The following MTUS2 variants were observed in gnomAD, a reference collection of about 807,000 sequenced individuals.
The protein encoded by MTUS2 is microtubule-associated tumor suppressor candidate 2.
Under a neutral mutation model 114.1 loss-of-function variants are expected in MTUS2, and 40 were observed. That is an observed-to-expected ratio of 0.35 (90% CI 0.27 to 0.46). The LOEUF (loss-of-function observed/expected upper bound fraction) is 0.46, where lower values mean the gene tolerates loss of function less well. Among genes scored for constraint, MTUS2 ranks in the 20% least tolerant of loss-of-function variants. The pLI is 1.00. For missense variants in MTUS2, 1,679 were observed against 1,705.4 expected (o/e 0.98, Z 0.27); for synonymous variants, 688 against 672.0 (o/e 1.02, Z -0.37).
At chr13:28,979,238 AG>A (rs1884251444) in intron 2 of MTUS2, among the ~76,000 whole-genome samples, 1 of 152,192 alleles carries the variant, frequency 6.6e-6, no homozygotes, top group Non-Finnish European at 1.5e-5. Flanking sequence ...CTGTGTTGAG[AG>A]GTCTGACTTC....
chr13:28,878,211 A>ATATATATATGTGTGTGTGTGTG (rs1318718485), intron 2 of MTUS2, among the ~76,000 whole-genome samples: 29 of 147,380 alleles, frequency 2.0e-4, no homozygotes, highest in Non-Finnish European at 3.5e-4. Flanking sequence ...AAAAGAATAT[A>ATATATATATGTGTGTGTGTGTG]TATATATATG....
chr13:29,007,238 A>T (rs1458614667), intron 2 of MTUS2, among the ~76,000 whole-genome samples: 2 of 152,128 alleles, frequency 1.3e-5, no homozygotes, highest in Admixed American at 6.6e-5. Flanking sequence ...GTTGTTTTAA[A>T]TTTTTAAATT....
At chr13:29,461,270 A>T (rs1490680063) in intron 9 of MTUS2, among the ~76,000 whole-genome samples, 1 of 152,216 alleles carries the variant, frequency 6.6e-6, no homozygotes, top group East Asian at 1.9e-4. Flanking sequence ...CATGATAATG[A>T]CATTAATCTA....
chr13:29,056,189 A>G (rs1420939405), intron 4 of MTUS2, among the ~76,000 whole-genome samples: 1 of 151,938 alleles, frequency 6.6e-6, no homozygotes, highest in Non-Finnish European at 1.5e-5. Context: ...TTCCTAAGTT[A>G]TCTTCAAGGG....
chr13:29,228,127 T>G (rs1896183435), intron 5 of MTUS2, among the ~76,000 whole-genome samples: 1 of 152,212 alleles, frequency 6.6e-6, no homozygotes. Flanking sequence ...ATAATGATAT[T>G]TATGACCACA....
At chr13:28,870,029 C>A (rs976316160) in intron 2 of MTUS2, among the ~76,000 whole-genome samples, 5 of 151,986 alleles carry the variant, frequency 3.3e-5, no homozygotes, top group African/African-American at 1.2e-4. Flanking sequence ...GGGTATGGGT[C>A]ATACAGTGAT....
chr13:29,196,495 T>A (rs1035590270), intron 5 of MTUS2, among the ~76,000 whole-genome samples: 7 of 152,190 alleles, frequency 4.6e-5, no homozygotes, highest in Non-Finnish European at 7.3e-5. Context: ...TAACCATTTT[T>A]AAGTGTTCAG....
At chr13:29,342,182 G>A (rs530533237) in intron 7 of MTUS2, among the ~76,000 whole-genome samples, 3 of 152,140 alleles carry the variant, frequency 2.0e-5, no homozygotes, top group Admixed American at 6.5e-5. Context: ...TTCTAGTTCT[G>A]TGAAGAATGA....
chr13:28,989,651 G>A lies in MTUS2; in HGVS notation c.-242-34806G>A, dbSNP rs111656750. Among the ~76,000 whole-genome samples the A allele has an allele frequency of 3.5e-3, 539 of 152,290 alleles. 3 individuals carry two copies. The highest frequency in any genetic ancestry group is 0.012 in the African/African-American group (515 of 41,570). On this transcript the variant is annotated intron_variant, in intron 2 of 15. Coordinates refer to ENST00000612955, the MANE Select transcript of MTUS2 (RefSeq NM_001033602.4). Reference sequence around the variant, plus strand: ...TGTCCACAGGGCCCACAGGAGGCTGGATGGGGAGGATGAGGGTGGACGGCA... The same window carrying A: ...TGTCCACAGGGCCCACAGGAGGCTGAATGGGGAGGATGAGGGTGGACGGCA...
chr13:28,995,548 C>G (rs1885061105), intron 2 of MTUS2, among the ~76,000 whole-genome samples: 1 of 152,012 alleles, frequency 6.6e-6, no homozygotes, highest in African/African-American at 2.4e-5. Context: ...AATGTTCTTC[C>G]ATTTGTTTGT....
chr13:29,087,492 A>C (rs183135413), intron 4 of MTUS2, among the ~76,000 whole-genome samples: 4 of 152,290 alleles, frequency 2.6e-5, no homozygotes, highest in Non-Finnish European at 4.4e-5. Context: ...GTGCTGCTAA[A>C]TTCAGTTTCC....
At chr13:28,937,717 C>T (rs187110114) in intron 2 of MTUS2, among the ~76,000 whole-genome samples, 1 of 152,246 alleles carries the variant, frequency 6.6e-6, no homozygotes, top group Admixed American at 6.5e-5. Context: ...TCCTGCGTGT[C>T]CTCAGAGCAT....
intron 2 of MTUS2, among the ~76,000 whole-genome samples, chr13:28,980,201 G>T (rs1884296983): frequency 6.6e-6 from 1 of 152,190 alleles, no homozygotes; most frequent in South Asian, 2.1e-4. Flanking sequence ...GATTACAATA[G>T]AGTCCATGCA....
intron 7 of MTUS2, among the ~76,000 whole-genome samples, chr13:29,351,611 T>TG (rs112702267): frequency 0.033 from 4,981 of 150,562 alleles, 287 homozygotes; most frequent in African/African-American, 0.12. Flanking sequence ...AGTTTTTTTG[T>TG]TTGTTTTTTT....
intron 6 of MTUS2, among the ~76,000 whole-genome samples, chr13:29,310,358 C>T (rs146364568): frequency 9.2e-5 from 14 of 152,288 alleles, no homozygotes; most frequent in Admixed American, 2.6e-4. Context: ...CCTAATTCCA[C>T]CTCCAACTTG....
chr13:28,936,995 G>T (rs1393956806), intron 2 of MTUS2, among the ~76,000 whole-genome samples: 1 of 152,192 alleles, frequency 6.6e-6, no homozygotes, highest in African/African-American at 2.4e-5. Context: ...AACTGCTGGG[G>T]TTGTGGAGGA....
intron 4 of MTUS2, among the ~76,000 whole-genome samples, chr13:29,087,273 T>C: frequency 6.6e-6 from 1 of 152,212 alleles, no homozygotes; most frequent in East Asian, 1.9e-4. Context: ...TGAGATATGT[T>C]CCTTAAATGC....
At chr13:28,878,853 G>C (rs58405208) in intron 2 of MTUS2, among the ~76,000 whole-genome samples, 5,486 of 152,248 alleles carry the variant, frequency 0.036, 317 homozygotes, top group African/African-American at 0.12. Flanking sequence ...ACACAGTAAT[G>C]AGATTGCTGA....
chr13:28,925,347 G>A (rs1255420600), intron 2 of MTUS2, among the ~76,000 whole-genome samples: 2 of 152,042 alleles, frequency 1.3e-5, no homozygotes, highest in Non-Finnish European at 2.9e-5. Flanking sequence ...TTTTATGTAG[G>A]ACTAATATTT....
Sources: gnomAD v4.1 joint callset for allele counts (sites outside exome capture counted in the v4.1 genomes callset) on GRCh38, gnomAD v4.1.1 for gene constraint, MANE v1.5 for transcripts, NCBI Gene and HGNC (gene_info 2026-07-23, HGNC 2026-07-21) for gene names.